The following MUC12 variants were observed in gnomAD, a reference collection of about 807,000 sequenced individuals.
MUC12 encodes mucin 12, cell surface associated.
In MUC12, 172 loss-of-function variants were observed where a neutral mutation model predicts 230.8. That is an observed-to-expected ratio of 0.75 (90% CI 0.66 to 0.85). The LOEUF is 0.85. MUC12 is among the 40% of genes least tolerant of loss of function. The pLI is 0.00. For synonymous variants in MUC12, 1,259 were observed against 2,401.9 expected (o/e 0.52, Z 13.91); for missense variants, 3,506 against 5,920.6 (o/e 0.59, Z 13.38).
In MUC12 at chr7:101,006,469, AG is replaced by A. The variant is rs1291409110; in HGVS notation, c.14958del. ...ACTGCTGTGGATTCTATCTCTCCACAGGGTTGTGCCAGGAAGGACAAATTTG... is the reference window on the plus strand; with the variant it reads ...ACTGCTGTGGATTCTATCTCTCCACAGGTTGTGCCAGGAAGGACAAATTTG... On this transcript the variant is annotated splice_acceptor_variant, in intron 2 of 11. Coordinates refer to ENST00000536621, the MANE Select transcript of MUC12 (RefSeq NM_001164462.2). LOFTEE classifies it high-confidence loss of function. The A allele has an allele frequency of 9.8e-6, 15 of 1,536,078 alleles. No homozygotes were observed. The highest frequency in any genetic ancestry group is 1.3e-5 in the Non-Finnish European group (15 of 1,146,056).
chr7:101,005,341 C>G lies in MUC12; in HGVS notation c.14778C>G (p.Ala4926=), dbSNP rs1165946803. ...GTTPLPARST[A]SDLVGEPTTF... ...CACCCTTACCTGCCCGCTCCACAGCCTCAGACCTTGTTGGAGAACCTACAA... is the reference window on the plus strand; with the variant it reads ...CACCCTTACCTGCCCGCTCCACAGCGTCAGACCTTGTTGGAGAACCTACAA... Residue 4926 remains alanine (A), a synonymous_variant, in exon 2 of 12, where the codon GCC becomes GCG. Transcript: ENST00000536621. The G allele has an allele frequency of 2.0e-6, 3 of 1,537,958 alleles. No individual in the cohort carries two copies. Among genetic ancestry groups the G allele is most frequent in the Non-Finnish European group, 2.6e-6 (3 of 1,147,080 alleles).
intron 2 of MUC12, among the ~76,000 whole-genome samples, chr7:101,005,724 CT>C (rs1485450587): frequency 6.6e-6 from 1 of 152,156 alleles, no homozygotes; most frequent in Non-Finnish European, 1.5e-5. Context: ...ATGACAATCT[CT>C]CCTTCCTCTA....
Position 100,991,408 on chromosome 7 carries a change from C to A in MUC12, c.845C>A (p.Pro282Gln). The stretch of plus-strand genomic sequence containing the variant: ...GAACCTACCACCTTCCAGAGCTGGC[C>A]AAGCTCAAAGGACACTTCGCCTGCA... ...EGEPTTFQSW[P>Q]SSKDTSPAPS... Residue 282 changes from proline to glutamine, a missense_variant, in exon 2 of 12, where the codon CCA becomes CAA. By Grantham distance (76) the Pro-to-Gln change is moderately conservative. Coordinates refer to ENST00000536621, the MANE Select transcript of MUC12 (RefSeq NM_001164462.2). 6.5e-7 allele frequency: 1 copy of A among 1,537,820 alleles called. No individual in the cohort carries two copies. The highest frequency in any genetic ancestry group is 8.7e-7 in the Non-Finnish European group (1 of 1,147,044).
rs1361946278 is a variant in MUC12 at position 101,004,717 on chromosome 7, A to T, written c.14154A>T (p.Pro4718=). The T allele has an allele frequency of 6.5e-7, 1 of 1,537,062 alleles. No homozygotes were observed. Among genetic ancestry groups the T allele is most frequent in the Non-Finnish European group, 8.7e-7 (1 of 1,146,410 alleles). ...IAESTTFYIS[P]GSMETTLAST... ...AATCTACCACCTTCTATATCTCTCC[A>T]GGCTCAATGGAAACAACATTAGCCA... The change falls in exon 2 of 12, where the codon CCA becomes CCT. Residue 4718 remains proline, a synonymous_variant. Transcript: ENST00000536621.
rs371891242 is a variant in MUC12, at chr7:100,991,159, T to A, written c.596T>A (p.Ile199Asn). Residue 199 changes from isoleucine (I) to asparagine (N), a missense_variant, in exon 2 of 12, where the codon ATC becomes AAC. Coordinates refer to ENST00000536621, the MANE Select transcript of MUC12 (RefSeq NM_001164462.2). ...VSQESTASHS[I>N]PGSTDTTLSP... Reference sequence around the variant, plus strand: ...CAGGAATCTACAGCTTCCCACAGCATCCCCGGCTCCACAGACACAACACTG... The same window carrying A: ...CAGGAATCTACAGCTTCCCACAGCAACCCCGGCTCCACAGACACAACACTG... 1 of 1,537,284 alleles carries A rather than the reference T, an allele frequency of 6.5e-7. No homozygotes were observed. The highest frequency in any genetic ancestry group is 1.2e-5 in the South Asian group (1 of 84,030).
At chr7:101,007,196 T>C (rs1793768026) in intron 3 of MUC12, among the ~76,000 whole-genome samples, 1 of 152,244 alleles carries the variant, frequency 6.6e-6, no homozygotes, top group South Asian at 2.1e-4. Flanking sequence ...TGATCTTAGG[T>C]GATCCTCCTG....
chr7:101,017,426 T>C (rs761211682), intron 10 of MUC12, 149 bp from the exon 11 acceptor site: 7 of 603,798 alleles, frequency 1.2e-5, no homozygotes, highest in Non-Finnish European at 1.8e-5. Context: ...CGCAGCCCAG[T>C]GATGCAGGGT....
In MUC12 at chr7:101,004,842, C is replaced by G. The variant is rs574708329; in HGVS notation, c.14279C>G (p.Ser4760Cys). 16 of 1,537,224 alleles carry G rather than the reference C, an allele frequency of 1.0e-5. No individual in the cohort carries two copies. The highest frequency in any genetic ancestry group is 9.8e-5 in the Admixed American group (5 of 50,988). The stretch of plus-strand genomic sequence containing the variant: ...CTCTCACCTGCCAGCATGACAAGCT[C>G]CAGCATCAGTGGAGAACCCACCAGC... ...QTLSPASMTS[S>C]SISGEPTSLY... Residue 4760 changes from serine (S) to cysteine (C), a missense_variant, in exon 2 of 12, where the codon TCC (serine) becomes TGC (cysteine). Ser to Cys is a moderately radical substitution (Grantham distance 112). Transcript: ENST00000536621.
chr7:100,972,295 T>C (rs1792921051), intron 1 of MUC12: 1 of 691,072 alleles, frequency 1.4e-6, no homozygotes, highest in East Asian at 2.7e-5. Flanking sequence ...ACAGTGGATT[T>C]GTGTCCTGCG....
rs779148193 is a variant in MUC12 at position 100,995,485 on chromosome 7, C to G, written c.4922C>G (p.Ser1641Cys). The change falls in exon 2 of 12, where the codon TCC (serine) becomes TGC (cysteine). Residue 1641 changes from serine to cysteine, a missense_variant. Ser to Cys is a moderately radical substitution (Grantham distance 112). Coordinates refer to ENST00000536621, the MANE Select transcript of MUC12 (RefSeq NM_001164462.2). The part of the protein sequence containing the change: ...ESTTFHSSPG[S>C]TETTLLPDNT... ...ACTACTTTCCACAGCAGCCCAGGCT[C>G]CACTGAAACAACACTCTTACCTGAC... 3.6e-5 allele frequency: 55 copies of G among 1,534,454 alleles called. 1 individual carries two copies. In the Middle Eastern group the frequency reaches 8.4e-4, roughly 23 times the overall value.
chr7:100,987,844 G>C (rs943272882), intron 1 of MUC12, among the ~76,000 whole-genome samples: 1 of 152,106 alleles, frequency 6.6e-6, no homozygotes, highest in African/African-American at 2.4e-5. Flanking sequence ...AGTGGTGCAT[G>C]CCTGTAATCC....
rs774154750 is a variant in MUC12 at position 100,991,657 on chromosome 7, C to T, written c.1094C>T (p.Pro365Leu). 4.2e-5 allele frequency: 64 copies of T among 1,537,240 alleles called. No individual in the cohort carries two copies. The African/African-American group carries it at 6.6e-4, about 16-fold the overall frequency. Residue 365 changes from proline (P) to leucine (L), a missense_variant, in exon 2 of 12, where the codon CCG becomes CTG. Pro to Leu is a moderately conservative substitution (Grantham distance 98, BLOSUM62 -3). Coordinates refer to ENST00000536621, the MANE Select transcript of MUC12 (RefSeq NM_001164462.2). ...VEESTAYHRS[P>L]GSTQTMHFPE... is the part of the protein sequence containing the mutation. ...GAATCTACAGCCTACCACAGGAGCC[C>T]GGGCTCAACTCAAACAATGCACTTC...
Position 100,995,426 on chromosome 7 carries a change from C to A in MUC12, c.4863C>A (p.Gly1621=). Residue 1621 remains glycine, a synonymous_variant, in exon 2 of 12, where the codon GGC becomes GGA. Coordinates refer to ENST00000536621, the MANE Select transcript of MUC12 (RefSeq NM_001164462.2). ...PGSTDTTLSP[G]STTASSLGPE... ...CCACAGACACAACATTGTCCCCTGG[C>A]AGTACCACAGCATCATCCCTTGGTC... 1 of 1,534,322 alleles carries A rather than the reference C, an allele frequency of 6.5e-7. No homozygotes were observed. Among genetic ancestry groups the A allele is most frequent in the East Asian group, 2.4e-5 (1 of 40,908 alleles).
In MUC12 at chr7:100,993,074, C is replaced by T. The variant is rs1793378678; in HGVS notation, c.2511C>T (p.Leu837=). 6.5e-7 allele frequency: 1 copy of T among 1,534,628 alleles called. No individual in the cohort carries two copies. Among genetic ancestry groups the T allele is most frequent in the South Asian group, 1.2e-5 (1 of 83,988 alleles). ...HSSPRSPATT[L]SPASTTSSGV... ...GCCCCAGATCACCAGCCACAACACTCTCACCTGCCAGCACGACAAGCTCAG... is the reference window on the plus strand; with the variant it reads ...GCCCCAGATCACCAGCCACAACACTTTCACCTGCCAGCACGACAAGCTCAG... Residue 837 remains leucine (L), a synonymous_variant, in exon 2 of 12, where the codon CTC becomes CTT. Transcript: ENST00000536621.
In MUC12 at chr7:100,991,769, C is replaced by A. The variant is rs1285168469; in HGVS notation, c.1206C>A (p.Ser402Arg). ...CACACACAAAATCTTCAACTCCTAGCACCACAGCTGCCCTAGCACATACAA... is the reference window on the plus strand; with the variant it reads ...CACACACAAAATCTTCAACTCCTAGAACCACAGCTGCCCTAGCACATACAA... The part of the protein sequence containing the change: ...STTHTKSSTP[S>R]TTAALAHTSY... The change falls in exon 2 of 12, where the codon AGC becomes AGA. Residue 402 changes from serine to arginine, a missense_variant. Coordinates refer to ENST00000536621, the MANE Select transcript of MUC12 (RefSeq NM_001164462.2). 27 of 1,537,870 alleles carry A rather than the reference C, an allele frequency of 1.8e-5. No homozygotes were observed. In the African/African-American group the frequency reaches 3.3e-4, roughly 19 times the overall value.
chr7:101,004,783 C>G lies in MUC12; in HGVS notation c.14220C>G (p.Ile4740Met), dbSNP rs1333732157. The G allele has an allele frequency of 2.6e-6, 4 of 1,537,676 alleles. No individual in the cohort carries two copies. Among genetic ancestry groups the G allele is most frequent in the Non-Finnish European group, 3.5e-6 (4 of 1,147,050 alleles). The change falls in exon 2 of 12, where the codon ATC (isoleucine) becomes ATG (methionine). Residue 4740 changes from isoleucine to methionine, a missense_variant. By Grantham distance (10) the Ile-to-Met change is conservative. Coordinates refer to ENST00000536621, the MANE Select transcript of MUC12 (RefSeq NM_001164462.2). ...TTPGLSAKSTILYSSSRSPDQ... is the reference protein window; with the variant it reads ...TTPGLSAKSTMLYSSSRSPDQ... Reference sequence around the variant, plus strand: ...CAGGCCTCAGTGCAAAATCTACCATCCTTTACAGTAGCTCCAGATCACCAG... The same window carrying G: ...CAGGCCTCAGTGCAAAATCTACCATGCTTTACAGTAGCTCCAGATCACCAG...
intron 1 of MUC12, among the ~76,000 whole-genome samples, chr7:100,983,825 C>T (rs913708996): frequency 2.0e-5 from 3 of 152,206 alleles, no homozygotes; most frequent in African/African-American, 7.2e-5. Flanking sequence ...ACAATAGACA[C>T]ATTCTACTTT....
rs1251435612 is a variant in MUC12 at position 101,012,347 on chromosome 7, T to C, written c.15303T>C (p.Thr5101=). ...KNDVILEADY[T]LEYEELFENL... ...ATGTCATCCTGGAGGCAGACTACACTTTAGAGTATGAGGAACTGTTTGAAA... is the reference window on the plus strand; with the variant it reads ...ATGTCATCCTGGAGGCAGACTACACCTTAGAGTATGAGGAACTGTTTGAAA... The change falls in exon 6 of 12, where the codon ACT becomes ACC. Residue 5101 remains threonine, a synonymous_variant. Coordinates refer to ENST00000536621, the MANE Select transcript of MUC12 (RefSeq NM_001164462.2). 1 of 1,537,434 alleles carries C rather than the reference T, an allele frequency of 6.5e-7. No individual in the cohort carries two copies.
intron 1 of MUC12, among the ~76,000 whole-genome samples, chr7:100,985,650 A>G (rs1231338435): frequency 6.6e-6 from 1 of 152,194 alleles, no homozygotes; most frequent in Non-Finnish European, 1.5e-5. Flanking sequence ...TGTCTCAGTC[A>G]TAATTTTGCA....
Sources: allele counts gnomAD v4.1 joint callset (sites outside exome capture counted in the v4.1 genomes callset), GRCh38; gene constraint gnomAD v4.1.1; transcripts MANE v1.5; gene names NCBI Gene and HGNC (gene_info 2026-07-23, HGNC 2026-07-21).